Variants in NR2F1-AS1 observed in about 807,000 individuals in gnomAD.
The protein encoded by NR2F1-AS1 is NR2F1 regulatory antisense RNA 1, also known as NR2F1 antisense RNA 1.
At chr5:93,568,769 TAGA>T (rs1752673761) in intron 1 of NR2F1-AS1, among the ~76,000 whole-genome samples, 1 of 152,174 alleles carries the variant, frequency 6.6e-6, no homozygotes, top group African/African-American at 2.4e-5. Flanking sequence ...TTAATAAGGT[TAGA>T]AGAATTACAT....
intron 4 of NR2F1-AS1, among the ~76,000 whole-genome samples, chr5:93,485,160 C>G (rs552654888): frequency 8.3e-4 from 126 of 152,282 alleles, no homozygotes; most frequent in Non-Finnish European, 1.5e-3. Flanking sequence ...ACAGAATATA[C>G]ATTCATCTCA....
intron 4 of NR2F1-AS1, among the ~76,000 whole-genome samples, chr5:93,440,887 G>A (rs1044752815): frequency 3.3e-5 from 5 of 152,064 alleles, no homozygotes; most frequent in African/African-American, 1.2e-4. Flanking sequence ...TCTTACAACT[G>A]GAAAGGCCTG....
At chr5:93,518,893 A>T (rs188996489) in intron 4 of NR2F1-AS1, among the ~76,000 whole-genome samples, 1 of 152,202 alleles carries the variant, frequency 6.6e-6, no homozygotes, top group Non-Finnish European at 1.5e-5. Flanking sequence ...AGAGATCATC[A>T]TGGTACAGAC....
chr5:93,550,335 T>C (rs1293817395), intron 4 of NR2F1-AS1, among the ~76,000 whole-genome samples: 7 of 152,182 alleles, frequency 4.6e-5, no homozygotes, highest in African/African-American at 1.2e-4. Flanking sequence ...CAGGTCACTA[T>C]GGGCCCTTTT....
At chr5:93,564,101 C>CAA (rs60114975) in intron 1 of NR2F1-AS1, among the ~76,000 whole-genome samples, 1 of 25,278 alleles carries the variant, frequency 4.0e-5, no homozygotes, top group Non-Finnish European at 8.2e-5. Context: ...GACTCCGTCT[C>CAA]AAAAAAAAAA....
chr5:93,557,962 CT>C (rs1471930484), intron 2 of NR2F1-AS1, among the ~76,000 whole-genome samples: 21 of 152,190 alleles, frequency 1.4e-4, no homozygotes, highest in Admixed American at 1.2e-3. Context: ...CAAGAAACCA[CT>C]TTTTTTTCCT....
intron 4 of NR2F1-AS1, among the ~76,000 whole-genome samples, chr5:93,463,664 C>T (rs1261525724): frequency 6.6e-6 from 1 of 152,164 alleles, no homozygotes; most frequent in Non-Finnish European, 1.5e-5. Context: ...GGTGGAACTG[C>T]CCAAGACCAT....
intron 4 of NR2F1-AS1, among the ~76,000 whole-genome samples, chr5:93,421,004 A>G (rs1372223647): frequency 6.6e-6 from 1 of 152,214 alleles, no homozygotes; most frequent in Non-Finnish European, 1.5e-5. Context: ...ATGCTTCATA[A>G]CATCAGTTGA....
intron 4 of NR2F1-AS1, among the ~76,000 whole-genome samples, chr5:93,428,976 A>G (rs1183108111): frequency 6.6e-6 from 1 of 152,192 alleles, no homozygotes; most frequent in Non-Finnish European, 1.5e-5. Flanking sequence ...TGAACAAATA[A>G]TATTATGGCT....
chr5:93,464,151 A>G (rs1750166125), intron 4 of NR2F1-AS1, among the ~76,000 whole-genome samples: 1 of 152,150 alleles, frequency 6.6e-6, no homozygotes, highest in Non-Finnish European at 1.5e-5. Context: ...GTAGGGGGTG[A>G]TTGAATTATG....
At chr5:93,574,706 TA>T (rs1240723415) in intron 1 of NR2F1-AS1, among the ~76,000 whole-genome samples, 1 of 152,238 alleles carries the variant, frequency 6.6e-6, no homozygotes, top group Non-Finnish European at 1.5e-5. Flanking sequence ...TCCTTTCTTA[TA>T]TTTTTTTTCT....
At chr5:93,440,185 CTCTCTCTG>C (rs1749534168) in intron 4 of NR2F1-AS1, among the ~76,000 whole-genome samples, 1 of 150,982 alleles carries the variant, frequency 6.6e-6, no homozygotes, top group South Asian at 2.1e-4. Context: ...CGCTCGCTCT[CTCTCTCTG>C]TCTCTCTCTC....
chr5:93,581,753 TC>T (rs1561519446), upstream of NR2F1-AS1, among the ~76,000 whole-genome samples: 57 of 29,820 alleles, frequency 1.9e-3, 1 homozygote, highest in African/African-American at 5.2e-3. Context: ...CCTCTCCCTC[TC>T]CCTCTCCTCT....
chr5:93,468,764 G>A (rs1268252187), intron 4 of NR2F1-AS1, among the ~76,000 whole-genome samples: 1 of 152,148 alleles, frequency 6.6e-6, no homozygotes, highest in Non-Finnish European at 1.5e-5. Flanking sequence ...TTCTTCTAGG[G>A]TTTTTATGGT....
chr5:93,523,974 A>C (rs551588067), intron 4 of NR2F1-AS1, among the ~76,000 whole-genome samples: 2 of 152,240 alleles, frequency 1.3e-5, no homozygotes, highest in Non-Finnish European at 1.5e-5. Context: ...ACTCCTCACC[A>C]GGAAGGGAAC....
rs141899697 is a variant in NR2F1-AS1 at position 93,498,926 on chromosome 5, T to C, written n.638+54835A>G. On this transcript the variant is annotated intron_variant and non_coding_transcript_variant, in intron 4 of 5. Transcript: ENST00000660523. ...AGCCTTGTAATTATATGTATTACCC[T>C]TATGAAAGAAGCACTAAGATCAGTT... Among the ~76,000 whole-genome samples, 368 of 152,264 alleles carry C rather than the reference T, an allele frequency of 2.4e-3. 2 individuals are homozygous for C. The highest frequency in any genetic ancestry group is 8.3e-3 in the African/African-American group (347 of 41,570).
At chr5:93,571,631 C>T (rs1209478025) in intron 1 of NR2F1-AS1, among the ~76,000 whole-genome samples, 1 of 151,868 alleles carries the variant, frequency 6.6e-6, no homozygotes, top group Non-Finnish European at 1.5e-5. Flanking sequence ...TATGTGAGCT[C>T]AGGGAGGAAG....
chr5:93,525,577 C>T (rs1751595356), intron 4 of NR2F1-AS1, among the ~76,000 whole-genome samples: 1 of 152,172 alleles, frequency 6.6e-6, no homozygotes. Flanking sequence ...CACCACATTG[C>T]ATTTATTCTA....
intron 4 of NR2F1-AS1, among the ~76,000 whole-genome samples, chr5:93,435,409 C>A (rs898623371): frequency 7.2e-5 from 11 of 152,114 alleles, no homozygotes; most frequent in Non-Finnish European, 1.2e-4. Flanking sequence ...TATTTGTTTT[C>A]TGATTTATTT....
Sources: gnomAD v4.1 joint callset for allele counts (sites outside exome capture counted in the v4.1 genomes callset) on GRCh38, gnomAD v4.1.1 for gene constraint, MANE v1.5 for transcripts, NCBI Gene and HGNC (gene_info 2026-07-23, HGNC 2026-07-21) for gene names.